The following PLAG1 variants were observed in gnomAD, a reference collection of about 807,000 sequenced individuals.
PLAG1 encodes the protein zinc finger protein PLAG1.
In PLAG1, 7 loss-of-function variants were observed where a neutral mutation model predicts 35.5. The ratio of observed to expected loss-of-function variants is 0.20; its 90% CI spans 0.11 to 0.37. The LOEUF (loss-of-function observed/expected upper bound fraction) is 0.37. PLAG1 is among the 10% of genes least tolerant of loss of function. The pLI is 1.00. For synonymous variants in PLAG1, 229 were observed against 225.4 expected (o/e 1.02, Z -0.14); for missense variants, 454 against 602.8 (o/e 0.75, Z 2.58).
At chr8:56,210,456 C>T (rs1376340913) in intron 1 of PLAG1, among the ~76,000 whole-genome samples, 2 of 151,492 alleles carry the variant, frequency 1.3e-5, no homozygotes, top group East Asian at 1.9e-4. Flanking sequence ...CTGCAGACCC[C>T]GCACCCCGAC....
intron 1 of PLAG1, among the ~76,000 whole-genome samples, chr8:56,191,469 C>G (rs1344628576): frequency 6.6e-6 from 1 of 152,154 alleles, no homozygotes; most frequent in African/African-American, 2.4e-5. Flanking sequence ...TGCGACTTTA[C>G]AAGCATTATG....
In PLAG1 at chr8:56,166,901, A is replaced by C. The variant is rs1811374059; in HGVS notation, c.845T>G (p.Phe282Cys). 6.2e-7 allele frequency: 1 copy of C among 1,614,068 alleles called. No individual in the cohort carries two copies. Among genetic ancestry groups the C allele is most frequent in the East Asian group, 2.2e-5 (1 of 44,876 alleles). ...LPSSELLSKP[F>C]TNTLQLNLYN... Reference sequence around the variant, plus strand: ...GAGGTTTAACTGCAAAGTGTTTGTGAATGGCTTTGATAACAGTTCACTGGA... The same window carrying C: ...GAGGTTTAACTGCAAAGTGTTTGTGCATGGCTTTGATAACAGTTCACTGGA... The change falls in exon 5 of 5, where the codon TTC becomes TGC. Residue 282 changes from phenylalanine (F) to cysteine (C), a missense_variant. Physicochemically the swap from Phe to Cys is radical, Grantham distance 205. Around this residue, in one of 4 missense-constraint regions of PLAG1, gnomAD observed 271 missense variants for 315.6 expected, o/e 0.86. Coordinates refer to ENST00000316981, the MANE Select transcript of PLAG1 (RefSeq NM_002655.3).
chr8:56,187,840 C>T (rs1360681064), intron 1 of PLAG1, among the ~76,000 whole-genome samples: 3 of 151,980 alleles, frequency 2.0e-5, no homozygotes, highest in African/African-American at 7.3e-5. Context: ...CAGGGTGTAC[C>T]TTAAATTTTA....
intron 1 of PLAG1, among the ~76,000 whole-genome samples, chr8:56,201,960 C>CTT (rs71555635): frequency 0.12 from 15,773 of 136,750 alleles, 926 homozygotes; most frequent in Non-Finnish European, 0.14. Context: ...TTTTTGGGCT[C>CTT]TTTTTTTTTT....
At chr8:56,201,691 G>T (rs1421592131) in intron 1 of PLAG1, among the ~76,000 whole-genome samples, 1 of 152,104 alleles carries the variant, frequency 6.6e-6, no homozygotes, top group African/African-American at 2.4e-5. Flanking sequence ...AAAAGTAACA[G>T]AATTCCTTCT....
rs1417031900 is a variant in PLAG1 at position 56,163,023 on chromosome 8, A to C, written c.*3220T>G. The C allele has an allele frequency of 1.4e-5, 3 of 207,306 alleles. No homozygotes were observed. The highest frequency in any genetic ancestry group is 3.0e-5 in the Non-Finnish European group (3 of 101,236). 12.8% of individuals were successfully genotyped at this position (207,306 alleles called of 1,614,324 possible). ...TTTTAAAATGAAAGTTTTAACAGTGATCGATAACTATAAAGGTACTTGTAT... is the reference window on the plus strand; with the variant it reads ...TTTTAAAATGAAAGTTTTAACAGTGCTCGATAACTATAAAGGTACTTGTAT... On this transcript the variant is annotated 3_prime_UTR_variant, in exon 5 of 5. Transcript: ENST00000316981.
Position 56,164,773 on chromosome 8 carries a change from C to G in PLAG1, c.*1470G>C. On this transcript the variant is annotated 3_prime_UTR_variant, in exon 5 of 5. Coordinates refer to ENST00000316981, the MANE Select transcript of PLAG1 (RefSeq NM_002655.3). ...ATGTGAGGAAAAGCCTATAATTATT[C>G]AGTGAATATAATATATTCTCAATTG... 4.7e-6 allele frequency: 1 copy of G among 213,340 alleles called. No individual in the cohort carries two copies. The highest frequency in any genetic ancestry group is 7.0e-5 in the East Asian group (1 of 14,222). 13.2% of individuals were successfully genotyped at this position (213,340 alleles called of 1,614,324 possible).
chr8:56,170,250 T>C (rs1811487252), intron 3 of PLAG1, among the ~76,000 whole-genome samples: 1 of 152,234 alleles, frequency 6.6e-6, no homozygotes, highest in Admixed American at 6.5e-5. Context: ...TCCGCCTTGC[T>C]GTTTAAAAGT....
intron 1 of PLAG1, among the ~76,000 whole-genome samples, chr8:56,198,247 C>T (rs967561831): frequency 1.3e-5 from 2 of 152,188 alleles, no homozygotes; most frequent in East Asian, 1.9e-4. Flanking sequence ...GGCTCAGCCC[C>T]GAGAGGAAGC....
At chr8:56,188,287 G>A (rs1255502516) in intron 1 of PLAG1, among the ~76,000 whole-genome samples, 2 of 152,152 alleles carry the variant, frequency 1.3e-5, no homozygotes, top group African/African-American at 2.4e-5. Context: ...GATGCAGGGA[G>A]GGGACAGGGA....
rs1225161461 is a variant in PLAG1 at position 56,165,299 on chromosome 8, C to A, written c.*944G>T. 4.7e-6 allele frequency: 1 copy of A among 213,534 alleles called. No individual in the cohort carries two copies. The highest frequency in any genetic ancestry group is 9.5e-6 in the Non-Finnish European group (1 of 105,528). 13.2% of individuals were successfully genotyped at this position (213,534 alleles called of 1,614,324 possible). ...GTCAATCCACTGTGGGATAAACACACCTCATGGCTGCAGTTCCACAATGGC... is the reference window on the plus strand; with the variant it reads ...GTCAATCCACTGTGGGATAAACACAACTCATGGCTGCAGTTCCACAATGGC... On this transcript the variant is annotated 3_prime_UTR_variant, in exon 5 of 5. Transcript: ENST00000316981.
rs960343265 is a variant in PLAG1, at chr8:56,164,185, CATA to C, written c.*2055_*2057del. On this transcript the variant is annotated 3_prime_UTR_variant, in exon 5 of 5. Transcript: ENST00000316981. Reference sequence around the variant, plus strand: ...CACTTTTTTAATAAATGTAATTTTTCATAATAAAATTTAAATACATAAGTATAA... The same window carrying C: ...CACTTTTTTAATAAATGTAATTTTTCATAAAATTTAAATACATAAGTATAA... The C allele has an allele frequency of 1.6e-5, 3 of 189,754 alleles. No homozygotes were observed. The highest frequency in any genetic ancestry group is 7.0e-5 in the African/African-American group (3 of 42,764). The allele number at this position is 189,754 out of a possible 1,614,324, so 11.8% of individuals were successfully genotyped here.
Position 56,166,273 on chromosome 8 carries a change from G to C in PLAG1, c.1473C>G (p.Thr491=). The stretch of plus-strand genomic sequence containing the variant: ...GAAAAGCTTGATGGAAACGTGGGAG[G>C]GTGGTACTTGTGCTTAAACTGCTGG... ...AFTSSLSTST[T]LPRFHQAFQ is the part of the protein sequence containing the mutation. The change falls in exon 5 of 5, where the codon ACC becomes ACG. Residue 491 remains threonine (T), a synonymous_variant. Coordinates refer to ENST00000316981, the MANE Select transcript of PLAG1 (RefSeq NM_002655.3). 2 of 1,603,938 alleles carry C rather than the reference G, an allele frequency of 1.2e-6. No individual in the cohort carries two copies. The highest frequency in any genetic ancestry group is 8.5e-7 in the Non-Finnish European group (1 of 1,175,594).
intron 3 of PLAG1, among the ~76,000 whole-genome samples, chr8:56,169,948 G>T (rs1351668608): frequency 1.3e-5 from 2 of 152,156 alleles, no homozygotes; most frequent in Non-Finnish European, 2.9e-5. Context: ...ACTGACACTT[G>T]CTGTCCCAAG....
chr8:56,192,557 A>G (rs1320990359), intron 1 of PLAG1, among the ~76,000 whole-genome samples: 1 of 152,254 alleles, frequency 6.6e-6, no homozygotes, highest in Non-Finnish European at 1.5e-5. Context: ...AAAGTGTTAC[A>G]TAGTTTTATA....
chr8:56,196,835 C>T (rs1784963057), intron 1 of PLAG1, among the ~76,000 whole-genome samples: 1 of 151,944 alleles, frequency 6.6e-6, no homozygotes, highest in African/African-American at 2.4e-5. Context: ...CTCCCCTCAC[C>T]CCATCCAGAT....
chr8:56,166,289 A>T lies in PLAG1; in HGVS notation c.1457T>A (p.Leu486Ter). ...ACGTGGGAGGGTGGTACTTGTGCTT[A>T]AACTGCTGGTGAAAGCTGCTGACAG... The part of the protein sequence containing the change: ...HSLSAAFTSS[L>*]STSTTLPRFH... Residue 486 changes from leucine to a stop codon, truncating the protein, a stop_gained, in exon 5 of 5, where the codon TTA becomes TAA. Coordinates refer to ENST00000316981, the MANE Select transcript of PLAG1 (RefSeq NM_002655.3). LOFTEE classifies it high-confidence loss of function. 6.2e-7 allele frequency: 1 copy of T among 1,610,402 alleles called. No individual in the cohort carries two copies. Among genetic ancestry groups the T allele is most frequent in the South Asian group, 1.1e-5 (1 of 90,534 alleles).
intron 1 of PLAG1, among the ~76,000 whole-genome samples, chr8:56,190,210 C>T (rs556311640): frequency 6.6e-6 from 1 of 152,158 alleles, no homozygotes; most frequent in Non-Finnish European, 1.5e-5. Flanking sequence ...ATTTGAAGAG[C>T]AGGGTAAGGA....
rs570941502 is a variant in PLAG1 at position 56,165,860 on chromosome 8, A to C, written c.*383T>G. On this transcript the variant is annotated 3_prime_UTR_variant, in exon 5 of 5. Coordinates refer to ENST00000316981, the MANE Select transcript of PLAG1 (RefSeq NM_002655.3). ...TTATACAATTTACATTCTATTGCTAAATTTTTTAATGAGCCAGATGTCAAA... is the reference window on the plus strand; with the variant it reads ...TTATACAATTTACATTCTATTGCTACATTTTTTAATGAGCCAGATGTCAAA... The C allele has an allele frequency of 1.6e-4, 32 of 199,756 alleles. No individual in the cohort carries two copies. The highest frequency in any genetic ancestry group is 7.3e-4 in the African/African-American group (32 of 43,634). The allele number at this position is 199,756 out of a possible 1,614,324, so 12.4% of individuals were successfully genotyped here.
Sources: gnomAD v4.1 joint callset for allele counts (sites outside exome capture counted in the v4.1 genomes callset) on GRCh38, gnomAD v4.1.1 for gene constraint, gnomAD v4.1.1 regional missense constraint, MANE v1.5 for transcripts, NCBI Gene and HGNC (gene_info 2026-07-23, HGNC 2026-07-21) for gene names.